NCK2: variants seen among roughly 807,000 people sequenced by gnomAD.
NCK2 encodes the protein cytoplasmic protein NCK2.
In NCK2, 16 loss-of-function variants were observed where a neutral mutation model predicts 33.9. The observed-to-expected ratio is 0.47, with a 90% CI of 0.32 to 0.72. NCK2 has a LOEUF of 0.72. NCK2 is among the 30% of genes least tolerant of loss of function. The probability of loss-of-function intolerance (pLI) is 0.03; values close to 1 mark genes in which losing one functional copy is unlikely to be tolerated. For synonymous variants in NCK2, 273 were observed against 239.9 expected, an observed-to-expected ratio of 1.14 and a Z score of -1.27; for missense variants, 418 against 537.3, an observed-to-expected ratio of 0.78 and a Z score of 2.19.
intron 1 of NCK2, among the ~76,000 whole-genome samples, chr2:105,793,186 G>A (rs771658118): frequency 1.3e-5 from 2 of 152,188 alleles, no homozygotes; most frequent in African/African-American, 2.4e-5. Flanking sequence ...AAGGGATTGG[G>A]CATTAAAAGC....
chr2:105,799,820 C>G (rs758231127), intron 1 of NCK2, among the ~76,000 whole-genome samples: 1 of 152,180 alleles, frequency 6.6e-6, no homozygotes, highest in Non-Finnish European at 1.5e-5. Flanking sequence ...TGGCCTTCCC[C>G]TCCGCCATCT....
upstream of NCK2, chr2:105,744,846 G>T (rs971809334): frequency 1.9e-5 from 3 of 158,366 alleles, no homozygotes; most frequent in African/African-American, 4.9e-5. Flanking sequence ...GGAGGCGGGC[G>T]CTGCGCGCCG....
chr2:105,835,009 G>A (rs1424211970), intron 2 of NCK2, among the ~76,000 whole-genome samples: 1 of 151,924 alleles, frequency 6.6e-6, no homozygotes, highest in African/African-American at 2.4e-5. Context: ...AGAGATGAAG[G>A]CAAACTCTTG....
chr2:105,886,145 TAAC>T (rs892064491), intron 4 of NCK2, among the ~76,000 whole-genome samples: 1 of 152,236 alleles, frequency 6.6e-6, no homozygotes, highest in African/African-American at 2.4e-5. Context: ...GTTTCAAAGA[TAAC>T]AAGTTATTTT....
chr2:105,838,281 A>G (rs1038992183), intron 2 of NCK2, among the ~76,000 whole-genome samples: 1 of 151,402 alleles, frequency 6.6e-6, no homozygotes, highest in Non-Finnish European at 1.5e-5. Context: ...ATAAATGCAA[A>G]TTTTTAAATG....
intron 1 of NCK2, among the ~76,000 whole-genome samples, chr2:105,801,443 C>G (rs1370664270): frequency 6.6e-6 from 1 of 150,624 alleles, no homozygotes; most frequent in Non-Finnish European, 1.5e-5. Context: ...TCCTCACAGT[C>G]TATTTACACA....
At chr2:105,791,656 C>G (rs887144950) in intron 1 of NCK2, among the ~76,000 whole-genome samples, 1 of 152,188 alleles carries the variant, frequency 6.6e-6, no homozygotes, top group Non-Finnish European at 1.5e-5. Context: ...ATCATAGTGA[C>G]CTCTTGAAGT....
At chr2:105,870,717 C>T (rs939505718) in intron 3 of NCK2, among the ~76,000 whole-genome samples, 1 of 152,068 alleles carries the variant, frequency 6.6e-6, no homozygotes, top group Non-Finnish European at 1.5e-5. Context: ...CGCCACCTCA[C>T]TCCAGCCTGG....
chr2:105,867,171 C>T (rs532923772), intron 3 of NCK2, among the ~76,000 whole-genome samples: 26 of 152,122 alleles, frequency 1.7e-4, no homozygotes, highest in Non-Finnish European at 3.4e-4. Context: ...TTAAATGTTC[C>T]GCTTCTCCAA....
At chr2:105,745,438 AG>A (rs1191572303) in intron 1 of NCK2, among the ~76,000 whole-genome samples, 2 of 151,778 alleles carry the variant, frequency 1.3e-5, no homozygotes, top group East Asian at 3.9e-4. Context: ...GGATCAGGGC[AG>A]GGGGCCCGGC....
intron 1 of NCK2, among the ~76,000 whole-genome samples, chr2:105,764,056 G>A (rs1484214873): frequency 3.9e-5 from 6 of 152,244 alleles, no homozygotes; most frequent in South Asian, 2.1e-4. Flanking sequence ...CCTCAGCCCC[G>A]TTTAACAGAT....
intron 2 of NCK2, among the ~76,000 whole-genome samples, chr2:105,845,651 C>T (rs1043917854): frequency 6.6e-6 from 1 of 152,102 alleles, no homozygotes. Context: ...ACCTCAGCCT[C>T]CCAAAGTGCC....
chr2:105,887,348 C>T (rs928864394), intron 4 of NCK2, among the ~76,000 whole-genome samples: 5 of 152,110 alleles, frequency 3.3e-5, no homozygotes, highest in Admixed American at 1.3e-4. Context: ...CATGTCTTTA[C>T]CAAAAGAAAA....
chr2:105,884,091 G>A (rs931636037), intron 4 of NCK2, among the ~76,000 whole-genome samples: 1 of 151,404 alleles, frequency 6.6e-6, no homozygotes, highest in Non-Finnish European at 1.5e-5. Context: ...GCCCTGAGGT[G>A]TGTGTGTGGC....
At chr2:105,822,843 A>G (rs987912984) in intron 2 of NCK2, among the ~76,000 whole-genome samples, 3 of 152,046 alleles carry the variant, frequency 2.0e-5, no homozygotes, top group African/African-American at 4.8e-5. Context: ...CCTGAATTGT[A>G]TAGCAGAAAA....
chr2:105,810,301 AAAAC>A (rs1300347871), intron 1 of NCK2, among the ~76,000 whole-genome samples: 3 of 152,160 alleles, frequency 2.0e-5, no homozygotes, highest in Middle Eastern at 3.2e-3. Context: ...CTATTTGAAA[AAAAC>A]AAAAGTGTGT....
At chr2:105,775,229 CAAT>C (rs1690263174) in intron 1 of NCK2, among the ~76,000 whole-genome samples, 1 of 152,110 alleles carries the variant, frequency 6.6e-6, no homozygotes, top group Non-Finnish European at 1.5e-5. Context: ...GGTGCCTAAT[CAAT>C]GAGAATTTGC....
chr2:105,811,217 A>C (rs550842384), intron 1 of NCK2, among the ~76,000 whole-genome samples: 14 of 151,454 alleles, frequency 9.2e-5, no homozygotes, highest in Admixed American at 1.3e-4. Context: ...GTAAGCTTTG[A>C]TACATTTTTG....
intron 3 of NCK2, among the ~76,000 whole-genome samples, chr2:105,874,991 TTC>T (rs1207478250): frequency 2.6e-5 from 4 of 152,218 alleles, no homozygotes; most frequent in African/African-American, 9.6e-5. Flanking sequence ...AAATTATACT[TTC>T]TGTCTGCTCA....
Sources: gnomAD v4.1 joint callset for allele counts (sites outside exome capture counted in the v4.1 genomes callset) on GRCh38, gnomAD v4.1.1 for gene constraint, MANE v1.5 for transcripts, NCBI Gene and HGNC (gene_info 2026-07-23, HGNC 2026-07-21) for gene names.